CHL1: variants seen among roughly 807,000 people sequenced by gnomAD.
CHL1 encodes the protein cell adhesion molecule L1 like.
Under a neutral mutation model 141.9 loss-of-function variants are expected in CHL1, and 96 were observed. The observed-to-expected ratio is 0.68, with a 90% CI of 0.57 to 0.80. CHL1 has a LOEUF of 0.80. Among genes scored for constraint, CHL1 ranks in the 30% least tolerant of loss-of-function variants. The probability of loss-of-function intolerance (pLI) is 0.00; values close to 1 mark genes in which losing one functional copy is unlikely to be tolerated. For synonymous variants in CHL1, 613 were observed against 502.2 expected (o/e 1.22, Z -2.95); for missense variants, 1,820 against 1,457.2 (o/e 1.25, Z -4.05).
chr3:242,572 G>A (rs866855093), intron 1 of CHL1, among the ~76,000 whole-genome samples: 1 of 150,978 alleles, frequency 6.6e-6, no homozygotes, highest in Non-Finnish European at 1.5e-5. Context: ...CTCCAGCCTG[G>A]GTAACAGAGT....
intron 8 of CHL1, 150 bp downstream of exon 8, chr3:343,181 G>GC (rs938920136): frequency 1.9e-6 from 1 of 540,494 alleles, no homozygotes; most frequent in African/African-American, 2.0e-5. Context: ...TGCCCCCCAT[G>GC]CCCTCTTAAA....
chr3:293,510 A>T (rs1697896759), intron 2 of CHL1, among the ~76,000 whole-genome samples: 2 of 152,210 alleles, frequency 1.3e-5, no homozygotes, highest in African/African-American at 4.8e-5. Flanking sequence ...ATCAAAAAAA[A>T]TTTTAAAAAA....
At chr3:208,096 A>G (rs1169879025) in intron 1 of CHL1, among the ~76,000 whole-genome samples, 1 of 152,202 alleles carries the variant, frequency 6.6e-6, no homozygotes, top group Admixed American at 6.5e-5. Flanking sequence ...CTTCTTTTGA[A>G]AACTTGTAAT....
At chr3:263,900 G>A (rs1207073851) in intron 2 of CHL1, among the ~76,000 whole-genome samples, 2 of 152,196 alleles carry the variant, frequency 1.3e-5, no homozygotes, top group Non-Finnish European at 2.9e-5. Flanking sequence ...GTGCCAGATA[G>A]TAGTAGTGCA....
intron 1 of CHL1, among the ~76,000 whole-genome samples, chr3:200,703 C>T (rs1698845192): frequency 6.6e-6 from 1 of 152,176 alleles, no homozygotes; most frequent in Admixed American, 6.5e-5. Flanking sequence ...TGTCTATCTA[C>T]AAGTAGAATT....
intron 5 of CHL1, among the ~76,000 whole-genome samples, chr3:334,143 T>C (rs935135444): frequency 4.6e-5 from 7 of 152,146 alleles, no homozygotes; most frequent in African/African-American, 1.7e-4. Flanking sequence ...TTTTGAAGTA[T>C]AATTTACATA....
intron 5 of CHL1, among the ~76,000 whole-genome samples, chr3:329,143 T>C (rs562528450): frequency 5.3e-5 from 8 of 152,262 alleles, no homozygotes; most frequent in African/African-American, 1.9e-4. Flanking sequence ...CCACCTTTTA[T>C]ATTTTATCAC....
At position 343,039 on chromosome 3, in the gene CHL1, G is replaced by A. The variant is rs1479504076; in HGVS notation, c.727+8G>A. 5 of 1,605,278 alleles carry A rather than the reference G, an allele frequency of 3.1e-6. No homozygotes were observed. In the African/African-American group the frequency reaches 4.0e-5, roughly 13 times the overall value. Reference sequence around the variant, plus strand: ...CAGAAATTGGTTCCAAGGGTAAGTTGAACCCATGTGGAGTGTTGGCATTTG... The same window carrying A: ...CAGAAATTGGTTCCAAGGGTAAGTTAAACCCATGTGGAGTGTTGGCATTTG... On this transcript the variant is annotated splice_region_variant and intron_variant, in intron 8 of 27. Transcript: ENST00000256509.
At chr3:385,970 G>T (rs1707660238) in intron 19 of CHL1, among the ~76,000 whole-genome samples, 1 of 151,984 alleles carries the variant, frequency 6.6e-6, no homozygotes, top group Admixed American at 6.6e-5. Flanking sequence ...GTCCCATGGT[G>T]TCTCCTATTA....
At chr3:228,781 A>C (rs1159030754) in intron 1 of CHL1, among the ~76,000 whole-genome samples, 5 of 152,194 alleles carry the variant, frequency 3.3e-5, no homozygotes, top group East Asian at 1.9e-4. Flanking sequence ...CTCTACTTTG[A>C]AATCAGCTCA....
chr3:362,300 TG>T (rs1281213384), intron 13 of CHL1, among the ~76,000 whole-genome samples: 1 of 152,214 alleles, frequency 6.6e-6, no homozygotes, highest in Non-Finnish European at 1.5e-5. Flanking sequence ...CCTTATTAGT[TG>T]CTTTACTGAA....
intron 5 of CHL1, among the ~76,000 whole-genome samples, chr3:335,955 G>T (rs137998150): frequency 6.6e-6 from 1 of 152,282 alleles, no homozygotes; most frequent in African/African-American, 2.4e-5. Context: ...TAATTTTTAA[G>T]TGCTTGCTCC....
rs1466165957 is a variant in CHL1, at chr3:399,146, C to T, written c.3383C>T (p.Ser1128Leu). The T allele has an allele frequency of 1.2e-6, 2 of 1,608,274 alleles. No individual in the cohort carries two copies. The highest frequency in any genetic ancestry group is 2.7e-5 in the African/African-American group (2 of 74,772). ...FVKRNRGGKY[S>L]VKEKEDLHPD... Reference sequence around the variant, plus strand: ...AAGAGGAATAGAGGTGGAAAGTACTCAGGTAAAATTGTTTCTTAATGTGAT... The same window carrying T: ...AAGAGGAATAGAGGTGGAAAGTACTTAGGTAAAATTGTTTCTTAATGTGAT... Residue 1128 changes from serine to leucine, a missense_variant and splice_region_variant, in exon 26 of 28, where the codon TCA (serine) becomes TTA (leucine). Coordinates refer to ENST00000256509, the MANE Select transcript of CHL1 (RefSeq NM_006614.4).
At chr3:347,075 G>T (rs1262803815) in intron 9 of CHL1, among the ~76,000 whole-genome samples, 4 of 151,980 alleles carry the variant, frequency 2.6e-5, no homozygotes, top group Non-Finnish European at 5.9e-5. Context: ...AGATTTAAGG[G>T]ATATTTACCA....
At chr3:360,128 T>A (rs113386081) in intron 11 of CHL1, among the ~76,000 whole-genome samples, 156 bp from the exon 12 acceptor site, 3 of 152,352 alleles carry the variant, frequency 2.0e-5, no homozygotes, top group African/African-American at 7.2e-5. Context: ...AGTCCATAGT[T>A]GATGTTCAGA....
intron 1 of CHL1, among the ~76,000 whole-genome samples, chr3:225,898 A>G (rs1480019592): frequency 2.0e-5 from 3 of 151,504 alleles, no homozygotes; most frequent in African/African-American, 7.3e-5. Flanking sequence ...AGTCCCAGCT[A>G]CTCGGGGGGC....
At chr3:362,046 G>A (rs1299917111) in intron 13 of CHL1, among the ~76,000 whole-genome samples, 1 of 152,208 alleles carries the variant, frequency 6.6e-6, no homozygotes, top group Admixed American at 6.5e-5. Flanking sequence ...TGTTCATAAA[G>A]AAAAGCAGAG....
At chr3:328,051 T>TATATACTTAATGGAATATAACAGG in intron 4 of CHL1, 116 bp from the exon 5 acceptor site, 1 of 684,562 alleles carries the variant, frequency 1.5e-6, no homozygotes, top group Non-Finnish European at 2.4e-6. Context: ...TTCCATTAAG[T>TATATACTTAATGGAATATAACAGG]ATATACTTTT....
chr3:295,024 T>C (rs998597227), intron 2 of CHL1, among the ~76,000 whole-genome samples: 5 of 152,228 alleles, frequency 3.3e-5, no homozygotes, highest in African/African-American at 1.2e-4. Flanking sequence ...CTTTGTTTTC[T>C]TGCCCTCCCT....
Sources: gnomAD v4.1 joint callset for allele counts (sites outside exome capture counted in the v4.1 genomes callset) on GRCh38, gnomAD v4.1.1 for gene constraint, MANE v1.5 for transcripts, NCBI Gene and HGNC (gene_info 2026-07-23, HGNC 2026-07-21) for gene names.